Variants in CLTA observed in about 807,000 individuals in gnomAD.
The protein encoded by CLTA is clathrin, light polypeptide (Lca).
A neutral mutation model predicts 26.9 loss-of-function variants in CLTA; 9 were observed. That is an observed-to-expected ratio of 0.33 (90% CI 0.20 to 0.58). CLTA has a LOEUF of 0.58. Among genes scored for constraint, CLTA ranks in the 20% least tolerant of loss-of-function variants. The probability of loss-of-function intolerance (pLI) is 0.85; values close to 1 mark genes in which losing one functional copy is unlikely to be tolerated. For missense variants in CLTA, 278 were observed against 294.2 expected (o/e 0.94, Z 0.40); for synonymous variants, 120 against 115.5 (o/e 1.04, Z -0.25).
intron 3 of CLTA, among the ~76,000 whole-genome samples, chr9:36,200,888 A>G (rs75987339): frequency 0.1 from 15,968 of 152,204 alleles, 907 homozygotes; most frequent in East Asian, 0.17. Flanking sequence ...GAAGATGAAA[A>G]TAGGTCCTAA....
At chr9:36,195,842 C>T (rs1225569295) in intron 1 of CLTA, among the ~76,000 whole-genome samples, 15 of 152,084 alleles carry the variant, frequency 9.9e-5, no homozygotes, top group Admixed American at 9.8e-4. Flanking sequence ...GTGGCACGTG[C>T]CTGTAATCCC....
chr9:36,198,186 T>C (rs986595936), intron 2 of CLTA, among the ~76,000 whole-genome samples: 3 of 151,486 alleles, frequency 2.0e-5, no homozygotes, highest in African/African-American at 7.3e-5. Context: ...TTAGTAGAGA[T>C]GGGGTTTCGC....
chr9:36,198,997 G>T lies in CLTA; in HGVS notation c.274G>T (p.Asp92Tyr). 1 of 1,613,050 alleles carries T rather than the reference G, an allele frequency of 6.2e-7. No individual in the cohort carries two copies. The highest frequency in any genetic ancestry group is 1.1e-5 in the South Asian group (1 of 91,032). The change falls in exon 3 of 5, where the codon GAC becomes TAC. Residue 92 changes from aspartate to tyrosine, a missense_variant. Coordinates refer to ENST00000345519, the MANE Select transcript of CLTA (RefSeq NM_001833.4). ...TGTTAAGGAAAGTAATGGTCCAACA[G>T]ACAGTTATGCAGCTATTTCACAAGT... ...EYYQESNGPTDSYAAISQVDR... is the reference protein window; with the variant it reads ...EYYQESNGPTYSYAAISQVDR...
rs768250424 is a variant in CLTA, at chr9:36,199,030, T to C, written c.307T>C (p.Leu103=). Residue 103 remains leucine (L), a synonymous_variant, in exon 3 of 5, where the codon TTG becomes CTG. Coordinates refer to ENST00000345519, the MANE Select transcript of CLTA (RefSeq NM_001833.4). ...TGCAGCTATTTCACAAGTGGATCGA[T>C]TGCAGTCAGAGCCTGAAAGTATCCG... is the stretch of plus-strand genomic sequence containing the variant. The part of the protein sequence containing the change: ...SYAAISQVDR[L]QSEPESIRKW... 4.3e-6 allele frequency: 7 copies of C among 1,613,954 alleles called. No individual in the cohort carries two copies. The Middle Eastern group carries it at 4.9e-4, about 114-fold the overall frequency.
At chr9:36,210,960 A>ACTCAC (rs1828008732) in intron 4 of CLTA, among the ~76,000 whole-genome samples, 1 of 152,142 alleles carries the variant, frequency 6.6e-6, no homozygotes, top group Non-Finnish European at 1.5e-5. Context: ...CCAAAAAGCA[A>ACTCAC]CTCACGTTGG....
At chr9:36,206,863 C>G (rs901582815) in intron 4 of CLTA, among the ~76,000 whole-genome samples, 5 of 151,950 alleles carry the variant, frequency 3.3e-5, no homozygotes, top group African/African-American at 1.2e-4. Flanking sequence ...CCACTGCACT[C>G]CAGCCTGGGC....
chr9:36,191,081 GC>G lies in CLTA; in HGVS notation c.29del (p.Pro10LeufsTer69). ...CATGGCTGAGCTGGATCCGTTCGGCGCCCCTGCCGGCGCCCCTGGCGGTCCC... is the reference window on the plus strand; with the variant it reads ...CATGGCTGAGCTGGATCCGTTCGGCGCCCTGCCGGCGCCCCTGGCGGTCCC... MAELDPFGAPAGAPGGPAL... is the reference protein window; with the variant it reads MAELDPFGXPAGAPGGPAL... On this transcript the variant is annotated frameshift_variant, in exon 1 of 5. Transcript: ENST00000345519. LOFTEE classifies it high-confidence loss of function. The G allele has an allele frequency of 6.3e-7, 1 of 1,583,296 alleles. No individual in the cohort carries two copies. Among genetic ancestry groups the G allele is most frequent in the Non-Finnish European group, 8.5e-7 (1 of 1,171,812 alleles).
chr9:36,203,984 G>A (rs1827574086), intron 3 of CLTA, 84 bp from the exon 4 acceptor site: 2 of 1,565,492 alleles, frequency 1.3e-6, no homozygotes, highest in East Asian at 2.3e-5. Context: ...CCCACCACAA[G>A]TTCAGCAAGA....
intron 2 of CLTA, among the ~76,000 whole-genome samples, chr9:36,197,842 C>A (rs1827143932): frequency 6.6e-6 from 1 of 152,154 alleles, no homozygotes; most frequent in South Asian, 2.1e-4. Flanking sequence ...TCAAATGATA[C>A]TGTGTTGAGT....
chr9:36,204,483 GGT>G (rs770946353), intron 4 of CLTA, among the ~76,000 whole-genome samples: 5 of 152,022 alleles, frequency 3.3e-5, no homozygotes, highest in Non-Finnish European at 5.9e-5. Context: ...ACGAAAGCTG[GGT>G]GTCATGAATA....
chr9:36,203,239 A>C (rs1285715925), intron 3 of CLTA, among the ~76,000 whole-genome samples: 7 of 152,182 alleles, frequency 4.6e-5, no homozygotes. Flanking sequence ...TTCATGTTTG[A>C]GAATCCAATC....
intron 1 of CLTA, among the ~76,000 whole-genome samples, chr9:36,196,708 C>T (rs1827069016): frequency 6.6e-6 from 1 of 152,096 alleles, no homozygotes; most frequent in Non-Finnish European, 1.5e-5. Flanking sequence ...ATATGCTTCC[C>T]CCATGCTTTC....
chr9:36,206,756 G>A (rs1207041134), intron 4 of CLTA, among the ~76,000 whole-genome samples: 1 of 152,054 alleles, frequency 6.6e-6, no homozygotes, highest in Non-Finnish European at 1.5e-5. Context: ...TTAACTGGGT[G>A]TGGTGGTGTG....
intron 4 of CLTA, among the ~76,000 whole-genome samples, chr9:36,210,108 T>TG (rs1827955975): frequency 6.6e-6 from 1 of 151,992 alleles, no homozygotes; most frequent in South Asian, 2.1e-4. Context: ...CTTTTTTTCT[T>TG]TTTTCTTTTT....
At chr9:36,210,640 T>G in intron 4 of CLTA, 1 of 1,614,170 alleles carries the variant, frequency 6.2e-7, no homozygotes, top group South Asian at 1.1e-5. Flanking sequence ...ACATAAACCA[T>G]CCTTGCTACA....
At chr9:36,210,742 T>C in intron 4 of CLTA, 1 of 1,535,614 alleles carries the variant, frequency 6.5e-7, no homozygotes, top group Non-Finnish European at 9.0e-7. Context: ...TTCAGCGGTG[T>C]TTGCCACGGC....
rs1482286522 is a variant in CLTA, at chr9:36,204,064, A to G, written c.374-4A>G. On this transcript the variant is annotated splice_region_variant and splice_polypyrimidine_tract_variant and intron_variant, in intron 3 of 4. Transcript: ENST00000345519. ...TATTGTCTTTCTCTTCTCTCCCTTC[A>G]AAGATGCCAATTCTCGGAAGCAAGA... 3 of 1,613,954 alleles carry G rather than the reference A, an allele frequency of 1.9e-6. No individual in the cohort carries two copies. In the Admixed American group the frequency reaches 5.0e-5, roughly 27 times the overall value.
At chr9:36,209,164 A>T (rs1827896066) in intron 4 of CLTA, 2 of 1,413,720 alleles carry the variant, frequency 1.4e-6, no homozygotes, top group Admixed American at 3.6e-5. Flanking sequence ...AGCTCCTCAG[A>T]GCACAGTTGT....
At chr9:36,202,489 G>A (rs984087515) in intron 3 of CLTA, among the ~76,000 whole-genome samples, 3 of 152,202 alleles carry the variant, frequency 2.0e-5, no homozygotes, top group South Asian at 2.1e-4. Context: ...TGGTGGTCAC[G>A]TTTTGTGATT....
Sources: gnomAD v4.1 joint callset for allele counts (sites outside exome capture counted in the v4.1 genomes callset) on GRCh38, gnomAD v4.1.1 for gene constraint, MANE v1.5 for transcripts, NCBI Gene and HGNC (gene_info 2026-07-23, HGNC 2026-07-21) for gene names.